PDZD2: variants seen among roughly 807,000 people sequenced by gnomAD.
PDZD2 encodes PDZ domain containing 2.
In PDZD2, 90 loss-of-function variants were observed where a neutral mutation model predicts 220.7. That is an observed-to-expected ratio of 0.41 (90% CI 0.34 to 0.49). The LOEUF is 0.49. PDZD2 is among the 20% of genes least tolerant of loss of function. The pLI, the probability that PDZD2 is intolerant of heterozygous loss-of-function variation, is 0.28. For synonymous variants in PDZD2, 1,375 were observed against 1,450.5 expected, an observed-to-expected ratio of 0.95 and a Z score of 1.18; for missense variants, 3,174 against 3,608.5, an observed-to-expected ratio of 0.88 and a Z score of 3.08.
At chr5:31,767,557 T>C (rs749674264) in intron 1 of PDZD2, among the ~76,000 whole-genome samples, 1 of 152,244 alleles carries the variant, frequency 6.6e-6, no homozygotes. Context: ...TCAAACCAGA[T>C]GACTCATATC....
At chr5:31,995,164 TCACCTAA>T (rs1201785701) in intron 3 of PDZD2, among the ~76,000 whole-genome samples, 1 of 152,180 alleles carries the variant, frequency 6.6e-6, no homozygotes. Flanking sequence ...AGAAGCAGCT[TCACCTAA>T]CAGGACCCTG....
At chr5:31,833,251 T>C (rs932937756) in intron 2 of PDZD2, among the ~76,000 whole-genome samples, 1 of 152,116 alleles carries the variant, frequency 6.6e-6, no homozygotes, top group Non-Finnish European at 1.5e-5. Context: ...GGCAGATTGC[T>C]TGAGTCCAGG....
chr5:31,933,968 G>A lies in PDZD2; in HGVS notation c.477-49187G>A, dbSNP rs181309159. ...AATTCTGGTGTATGCTACGTGGCTC[G>A]TTTTGTGAGTAAATGTAGCAGTAAT... On this transcript the variant is annotated intron_variant, in intron 2 of 24. Transcript: ENST00000438447. 7.2e-5 allele frequency among the ~76,000 whole-genome samples: 11 copies of A among 152,276 alleles called. No homozygotes were observed. The East Asian group carries it at 1.7e-3, about 24-fold the overall frequency.
intron 2 of PDZD2, among the ~76,000 whole-genome samples, chr5:31,850,169 T>C (rs942924084): frequency 2.1e-5 from 3 of 140,548 alleles, no homozygotes; most frequent in Non-Finnish European, 3.0e-5. Flanking sequence ...TATATGTATA[T>C]ATAAGTATAT....
In PDZD2 at chr5:32,046,474, C is replaced by T. The variant is rs192021149; in HGVS notation, c.1520-2065C>T. Among the ~76,000 whole-genome samples the T allele has an allele frequency of 1.7e-3, 253 of 152,220 alleles. 2 individuals carry two copies. Among genetic ancestry groups the T allele is most frequent in the African/African-American group, 5.8e-3 (241 of 41,524 alleles). On this transcript the variant is annotated intron_variant, in intron 7 of 24. Transcript: ENST00000438447. ...CCCAGTGCAGTCTCGAATTCCTGAG[C>T]TCAGGCGATCGGCCCACCTCGGCCT...
In PDZD2 at chr5:32,074,467, G is replaced by A. The variant is rs149535005; in HGVS notation, c.3361G>A (p.Val1121Met). 2,744 of 1,614,246 alleles carry A rather than the reference G, an allele frequency of 1.7e-3. 4 individuals are homozygous for A. Among genetic ancestry groups the A allele is most frequent in the Non-Finnish European group, 1.8e-3 (2,180 of 1,180,040 alleles). Residue 1121 changes from valine to methionine, a missense_variant, in exon 18 of 25, where the codon GTG becomes ATG. Coordinates refer to ENST00000438447, the MANE Select transcript of PDZD2 (RefSeq NM_178140.4). ...SEGLGSRHRP[V>M]ARVSPHCKRS... ...AGGCCTGGGCTCCAGGCACAGACCA[G>A]TGGCCAGGGTAAGCCCCCACTGCAA...
chr5:31,668,581 C>T (rs72753580), intron 1 of PDZD2, among the ~76,000 whole-genome samples: 2,842 of 152,278 alleles, frequency 0.019, 45 homozygotes, highest in South Asian at 0.035. Context: ...TTTGGAGTTG[C>T]GGTCTCCTGC....
rs1561499069 is a variant in PDZD2, at chr5:31,840,421, TATATATATATATATATATATATATA to T, written c.476+40698_476+40722del. The T allele has an allele frequency of 3.5e-4, 42 of 121,178 alleles. 4 individuals carry two copies. Among genetic ancestry groups the T allele is most frequent in the African/African-American group, 5.7e-4 (18 of 31,684 alleles). The allele number at this position is 121,178 out of a possible 1,614,324, so 7.5% of individuals were successfully genotyped here. On this transcript the variant is annotated intron_variant, in intron 2 of 24. Transcript: ENST00000438447. Reference sequence around the variant, plus strand: ...TTATATATATATATATATATATATATATATATATATATATATATATATATATATTTGTTTATAGTCCAGAGGTCTT... The same window carrying T: ...TTATATATATATATATATATATATATTATTTGTTTATAGTCCAGAGGTCTT...
chr5:31,708,885 T>G (rs76468486), intron 1 of PDZD2, among the ~76,000 whole-genome samples: 1 of 145,682 alleles, frequency 6.9e-6, no homozygotes, highest in Non-Finnish European at 1.5e-5. Context: ...TGTTTTGTTT[T>G]TTTTTTTTTT....
At chr5:32,002,296 A>T (rs1355442876) in intron 5 of PDZD2, among the ~76,000 whole-genome samples, 1 of 152,076 alleles carries the variant, frequency 6.6e-6, no homozygotes, top group African/African-American at 2.4e-5. Flanking sequence ...ACCACTGTCC[A>T]TTCATAGGTC....
chr5:31,669,093 G>A (rs1746110528), intron 1 of PDZD2, among the ~76,000 whole-genome samples: 1 of 151,450 alleles, frequency 6.6e-6, no homozygotes, highest in Non-Finnish European at 1.5e-5. Context: ...ATCTAACAGT[G>A]CACAGGACGT....
At chr5:31,966,398 T>G (rs1748764035) in intron 2 of PDZD2, among the ~76,000 whole-genome samples, 1 of 152,240 alleles carries the variant, frequency 6.6e-6, no homozygotes, top group Non-Finnish European at 1.5e-5. Flanking sequence ...CATTTGTGTT[T>G]GTGCATCCAA....
chr5:31,874,359 ATGTTACG>A (rs1227573733), intron 2 of PDZD2, among the ~76,000 whole-genome samples: 1 of 152,192 alleles, frequency 6.6e-6, no homozygotes, highest in Non-Finnish European at 1.5e-5. Flanking sequence ...TGCCCTGTTT[ATGTTACG>A]TGTTTTGAAG....
intron 2 of PDZD2, among the ~76,000 whole-genome samples, chr5:31,853,701 C>T (rs62360853): frequency 0.082 from 12,429 of 152,234 alleles, 622 homozygotes; most frequent in Middle Eastern, 0.15. Flanking sequence ...CCAGATCTGT[C>T]CGTTGCAAAG....
chr5:31,797,244 G>T (rs951850995), intron 1 of PDZD2, among the ~76,000 whole-genome samples: 6 of 147,028 alleles, frequency 4.1e-5, no homozygotes, highest in Non-Finnish European at 6.0e-5. Flanking sequence ...TGCCCAGCCT[G>T]ATATTTACTG....
chr5:32,038,554 A>G (rs906730428), intron 7 of PDZD2, among the ~76,000 whole-genome samples: 13 of 152,134 alleles, frequency 8.5e-5, no homozygotes, highest in African/African-American at 3.1e-4. Context: ...AAAAACAAAA[A>G]AACAAAAGAT....
At position 32,089,952 on chromosome 5, in the gene PDZD2, G is replaced by C. The variant is rs778337748; in HGVS notation, c.6504G>C (p.Ala2168=). The C allele has an allele frequency of 4.4e-6, 7 of 1,607,048 alleles. No individual in the cohort carries two copies. The highest frequency in any genetic ancestry group is 5.9e-6 in the Non-Finnish European group (7 of 1,176,622). ...GATCATTCAGCATGGCAAAACTGGC[G>C]TCCTCCTCCTCCTCCCTTCAAACAG... ...MSRSFSMAKL[A]SSSSSLQTAI... The change falls in exon 20 of 25, where the codon GCG becomes GCC. Residue 2168 remains alanine (A), a synonymous_variant. Transcript: ENST00000438447.
At chr5:31,940,858 T>C (rs1423258165) in intron 2 of PDZD2, among the ~76,000 whole-genome samples, 1 of 152,222 alleles carries the variant, frequency 6.6e-6, no homozygotes, top group South Asian at 2.1e-4. Context: ...GAAGGGCAGA[T>C]AAATGTTCTT....
chr5:31,819,350 CT>C (rs1051694799), intron 2 of PDZD2, among the ~76,000 whole-genome samples: 3 of 152,016 alleles, frequency 2.0e-5, no homozygotes, highest in Admixed American at 6.6e-5. Context: ...ACTGTATAGT[CT>C]TTTTTGCTGT....
Sources: gnomAD v4.1 joint callset for allele counts (sites outside exome capture counted in the v4.1 genomes callset) on GRCh38, gnomAD v4.1.1 for gene constraint, MANE v1.5 for transcripts, NCBI Gene and HGNC (gene_info 2026-07-23, HGNC 2026-07-21) for gene names.